The following BTBD8 variants were observed in gnomAD, a reference collection of about 807,000 sequenced individuals.
The protein encoded by BTBD8 is BTB/POZ domain-containing protein 8.
BTBD8 carries 110 observed loss-of-function variants against 162.9 expected under a neutral mutation model. That is an observed-to-expected ratio of 0.68 (90% CI 0.58 to 0.79). The LOEUF (loss-of-function observed/expected upper bound fraction) is 0.79. Ranked by LOEUF, BTBD8 falls within the 30% of genes least tolerant of loss-of-function variation. The probability of loss-of-function intolerance (pLI) is 0.00; values close to 1 mark genes in which losing one functional copy is unlikely to be tolerated. For synonymous variants in BTBD8, 667 were observed against 716.1 expected (o/e 0.93, Z 1.10); for missense variants, 1,905 against 2,085.4 (o/e 0.91, Z 1.68).
At chr1:92,145,183 T>C (rs1330379987) in intron 7 of BTBD8, among the ~76,000 whole-genome samples, 3 of 152,180 alleles carry the variant, frequency 2.0e-5, no homozygotes, top group Admixed American at 6.5e-5. Flanking sequence ...AGGCTGGCCT[T>C]GAACTCTTGA....
chr1:92,126,484 C>T (rs996951210), intron 4 of BTBD8: 2 of 708,372 alleles, frequency 2.8e-6, no homozygotes, highest in Non-Finnish European at 4.6e-6. Context: ...TCTTGGGCCT[C>T]CCTTTTCTCC....
rs1411003278 is a variant in BTBD8, at chr1:92,134,023, G to A, written c.752+4247G>A. On this transcript the variant is annotated intron_variant, in intron 5 of 17. Coordinates refer to ENST00000636805, the MANE Select transcript of BTBD8 (RefSeq NM_001376131.1). ...AGTTCCATCCATGCCCCAGAGTTGG[G>A]GAGTGGAAGGATATAGTTGGAAGGA... 2.6e-5 allele frequency among the ~76,000 whole-genome samples: 4 copies of A among 152,196 alleles called. No homozygotes were observed. The South Asian group carries it at 8.3e-4, about 32-fold the overall frequency.
intron 16 of BTBD8, among the ~76,000 whole-genome samples, chr1:92,179,884 T>C (rs1188244668): frequency 2.0e-5 from 3 of 152,164 alleles, no homozygotes; most frequent in African/African-American, 4.8e-5. Flanking sequence ...CTATTTTTTT[T>C]TCTCCAAAAA....
At chr1:92,119,652 A>G (rs1218177312) in intron 4 of BTBD8, among the ~76,000 whole-genome samples, 2 of 142,366 alleles carry the variant, frequency 1.4e-5, no homozygotes, top group African/African-American at 5.2e-5. Context: ...TTTGAGACGG[A>G]GTCTCGCTCT....
rs763453585 is a variant in BTBD8, at chr1:92,166,958, AATG to A, written c.1126_1128del (p.Asp376del). The A allele has an allele frequency of 5.9e-4, 902 of 1,538,482 alleles. 1 individual carries two copies. Among genetic ancestry groups the A allele is most frequent in the Middle Eastern group, 2.0e-3 (12 of 5,908 alleles). Reference sequence around the variant, plus strand: ...TTTCCAATTTTTTTTTAAATCTAAGAATGATAAGAATGCTGCTTTTCTTCTGAT... The same window carrying A: ...TTTCCAATTTTTTTTTAAATCTAAGAATAAGAATGCTGCTTTTCTTCTGAT... On this transcript the variant is annotated inframe_deletion and splice_region_variant, in exon 10 of 18. Coordinates refer to ENST00000636805, the MANE Select transcript of BTBD8 (RefSeq NM_001376131.1).
chr1:92,106,447 T>C (rs2101906239), intron 3 of BTBD8, among the ~76,000 whole-genome samples: 1 of 151,472 alleles, frequency 6.6e-6, no homozygotes, highest in Non-Finnish European at 1.5e-5. Flanking sequence ...GATCACGAGG[T>C]CAGGAGATCG....
intron 2 of BTBD8, among the ~76,000 whole-genome samples, chr1:92,093,600 A>G (rs1319232900): frequency 6.6e-6 from 1 of 152,216 alleles, no homozygotes; most frequent in Non-Finnish European, 1.5e-5. Flanking sequence ...GTATGAACTT[A>G]GACTAATCAC....
intron 4 of BTBD8, chr1:92,125,431 C>G: frequency 3.4e-6 from 1 of 294,932 alleles, no homozygotes; most frequent in Admixed American, 4.1e-5. Context: ...CTGCTCAACC[C>G]GAGGGACTAA....
intron 9 of BTBD8, among the ~76,000 whole-genome samples, chr1:92,158,891 A>T (rs1345268348): frequency 1.3e-5 from 2 of 151,988 alleles, no homozygotes; most frequent in East Asian, 3.9e-4. Context: ...CAAGTAGCTG[A>T]AACTATAGAC....
Position 92,180,446 on chromosome 1 carries a change from A to C in BTBD8, c.2763A>C (p.Lys921Asn). The change falls in exon 17 of 18, where the codon AAA becomes AAC. Residue 921 changes from lysine (K) to asparagine (N), a missense_variant. By Grantham distance (94) the Lys-to-Asn change is moderately conservative. This residue lies in a region of BTBD8 where 1,374 missense variants were observed against 1,442.7 expected (regional missense o/e 0.95). Transcript: ENST00000636805. ...KVNAKIVAMP[K>N]NLNQSKKGET... ...ATGCAAAAATAGTGGCAATGCCTAAAAATCTAAATCAGTCAAAGAAAGGTG... is the reference window on the plus strand; with the variant it reads ...ATGCAAAAATAGTGGCAATGCCTAACAATCTAAATCAGTCAAAGAAAGGTG... The C allele has an allele frequency of 6.4e-7, 1 of 1,551,416 alleles. No individual in the cohort carries two copies. Among genetic ancestry groups the C allele is most frequent in the Non-Finnish European group, 8.7e-7 (1 of 1,146,894 alleles).
intron 7 of BTBD8, among the ~76,000 whole-genome samples, chr1:92,144,726 A>C (rs1223667967): frequency 6.6e-6 from 1 of 150,996 alleles, no homozygotes; most frequent in African/African-American, 2.4e-5. Flanking sequence ...TGGGAGGATC[A>C]CTTGAGCCCA....
At chr1:92,139,587 A>G (rs913417259) in intron 6 of BTBD8, 157 bp downstream of exon 6, 1 of 1,274,284 alleles carries the variant, frequency 7.8e-7, no homozygotes, top group African/African-American at 1.6e-5. Context: ...ACAATAAGCA[A>G]ATCATCTTAT....
chr1:92,180,457 A>G lies in BTBD8; in HGVS notation c.2774A>G (p.Gln925Arg). ...GTGGCAATGCCTAAAAATCTAAATC[A>G]GTCAAAGAAAGGTGAAACTTTGAAT... ...KIVAMPKNLN[Q>R]SKKGETLNNK... is the part of the protein sequence containing the mutation. The change falls in exon 17 of 18, where the codon CAG becomes CGG. Residue 925 changes from glutamine (Q) to arginine (R), a missense_variant. Gln to Arg is a conservative substitution (Grantham distance 43, BLOSUM62 1). Transcript: ENST00000636805. 6.4e-7 allele frequency: 1 copy of G among 1,551,184 alleles called. No individual in the cohort carries two copies. The highest frequency in any genetic ancestry group is 8.7e-7 in the Non-Finnish European group (1 of 1,146,842).
chr1:92,100,362 C>A (rs1261101095), intron 2 of BTBD8, among the ~76,000 whole-genome samples: 1 of 152,010 alleles, frequency 6.6e-6, no homozygotes, highest in Non-Finnish European at 1.5e-5. Context: ...GTTCCTTCCT[C>A]TCCTGTGTTT....
At chr1:92,126,268 TG>T (rs1649356047) in intron 4 of BTBD8, 1 of 594,430 alleles carries the variant, frequency 1.7e-6, no homozygotes, top group African/African-American at 1.9e-5. Flanking sequence ...TTTGTTGAAG[TG>T]GGAAGATTGG....
chr1:92,168,889 T>G lies in BTBD8; in HGVS notation c.1467T>G (p.Ala489=), dbSNP rs1349170180. The stretch of plus-strand genomic sequence containing the variant: ...AGGGTTTTACGTGCAAGATCCAGGC[T>G]CTGCGTGATAAGCTGTGGATCTTCC... The part of the protein sequence containing the change: ...KEMGFTCKIQ[A]LRDKLWIFLV... Residue 489 remains alanine (A), a synonymous_variant, in exon 12 of 18, where the codon GCT becomes GCG. Coordinates refer to ENST00000636805, the MANE Select transcript of BTBD8 (RefSeq NM_001376131.1). 1 of 1,538,166 alleles carries G rather than the reference T, an allele frequency of 6.5e-7. No homozygotes were observed. Among genetic ancestry groups the G allele is most frequent in the Non-Finnish European group, 8.8e-7 (1 of 1,136,838 alleles).
chr1:92,125,498 C>G (rs1005147280), intron 4 of BTBD8: 8 of 314,588 alleles, frequency 2.5e-5, no homozygotes, highest in Non-Finnish European at 5.0e-5. Context: ...AAAACAAATT[C>G]ACAATCTGCA....
rs191551019 is a variant in BTBD8 at position 92,181,114 on chromosome 1, A to G, written c.3431A>G (p.Asp1144Gly). Residue 1144 changes from aspartate to glycine, a missense_variant, in exon 17 of 18, where the codon GAT becomes GGT. This residue lies in a region of BTBD8 where 1,374 missense variants were observed against 1,442.7 expected (regional missense o/e 0.95). Coordinates refer to ENST00000636805, the MANE Select transcript of BTBD8 (RefSeq NM_001376131.1). ...NKQSSIKCVEDVSLCNPERTN... is the reference protein window; with the variant it reads ...NKQSSIKCVEGVSLCNPERTN... ...CAATCAAGTATTAAATGTGTGGAAG[A>G]TGTTTCACTGTGTAATCCTGAAAGG... The G allele has an allele frequency of 2.1e-5, 33 of 1,551,650 alleles. No homozygotes were observed. The highest frequency in any genetic ancestry group is 1.7e-4 in the Middle Eastern group (1 of 5,992).
chr1:92,157,851 A>G (rs536284004), intron 9 of BTBD8, among the ~76,000 whole-genome samples: 1 of 152,290 alleles, frequency 6.6e-6, no homozygotes, highest in East Asian at 1.9e-4. Flanking sequence ...AGTTCCTACT[A>G]TCTTTGTATT....
Sources: allele counts gnomAD v4.1 joint callset (sites outside exome capture counted in the v4.1 genomes callset), GRCh38; gene constraint gnomAD v4.1.1; regional missense constraint gnomAD v4.1.1; transcripts MANE v1.5; gene names NCBI Gene and HGNC (gene_info 2026-07-23, HGNC 2026-07-21).